Variants in PLA2G4C observed in about 807,000 individuals in gnomAD.
The protein encoded by PLA2G4C is phospholipase A2 group IVC.
PLA2G4C carries 64 observed loss-of-function variants against 73.8 expected under a neutral mutation model. The observed-to-expected ratio is 0.87, with a 90% confidence interval of 0.71 to 1.07. The LOEUF (loss-of-function observed/expected upper bound fraction) is 1.07, where lower values mean the gene tolerates loss of function less well. Among genes scored for constraint, PLA2G4C ranks in the 50% least tolerant of loss-of-function variants. The pLI is 0.00. For missense variants in PLA2G4C, 622 were observed against 665.4 expected (o/e 0.93, Z 0.72); for synonymous variants, 254 against 252.1 (o/e 1.01, Z -0.07).
At chr19:48,057,550 C>T (rs1406420716) in intron 14 of PLA2G4C, among the ~76,000 whole-genome samples, 3 of 116,298 alleles carry the variant, frequency 2.6e-5, no homozygotes, top group African/African-American at 3.3e-5. Context: ...AGTGCAGTGG[C>T]GGGATCTTGG....
chr19:48,066,498 A>G (rs1183656767), intron 13 of PLA2G4C, among the ~76,000 whole-genome samples: 1 of 151,882 alleles, frequency 6.6e-6, no homozygotes, highest in Non-Finnish European at 1.5e-5. Context: ...GCACCCCAGG[A>G]GAGGTGAGCA....
At chr19:48,084,040 T>TTGTGTGTGTGTG (rs71181645) in intron 10 of PLA2G4C, among the ~76,000 whole-genome samples, 15,895 of 138,972 alleles carry the variant, frequency 0.11, 1,101 homozygotes, top group East Asian at 0.2. Context: ...AATGCCAATT[T>TTGTGTGTGTGTG]TGTGTGTGTG....
At chr19:48,076,881 C>A (rs2030197746) in intron 11 of PLA2G4C, among the ~76,000 whole-genome samples, 2 of 152,116 alleles carry the variant, frequency 1.3e-5, no homozygotes, top group African/African-American at 4.8e-5. Flanking sequence ...AAATATAAAC[C>A]CTTTGTGTCT....
rs987416919 is a variant in PLA2G4C, at chr19:48,065,281, G to GT, written c.1102+2509_1102+2510insA. Among the ~76,000 whole-genome samples, 135 of 143,168 alleles carry GT rather than the reference G, an allele frequency of 9.4e-4. 1 individual carries two copies. Among genetic ancestry groups the GT allele is most frequent in the Non-Finnish European group, 1.7e-3 (112 of 65,148 alleles). 93.9% of individuals were successfully genotyped at this position (143,168 alleles called of 152,430 possible). ...AGGTGAGGGGTGAGGAGGGGTCGGG[G>GT]GGGGGCTTCCAGGTTATAGGTAGAT... is the stretch of plus-strand genomic sequence containing the variant. On this transcript the variant is annotated intron_variant, in intron 13 of 16. Transcript: ENST00000599921.
intron 10 of PLA2G4C, 73 bp from the exon 11 acceptor site, chr19:48,077,897 A>G: frequency 8.1e-7 from 1 of 1,239,886 alleles, no homozygotes; most frequent in Non-Finnish European, 1.1e-6. Flanking sequence ...GATTACCTGC[A>G]GCGACGTCTC....
At position 48,052,901 on chromosome 19, in the gene PLA2G4C, AC is replaced by A. The variant is rs1344643043; in HGVS notation, c.1580+95del. The A allele has an allele frequency of 1.1e-5, 14 of 1,319,408 alleles. No homozygotes were observed. The African/African-American group carries it at 2.0e-4, about 19-fold the overall frequency. The allele number at this position is 1,319,408 out of a possible 1,614,324, so 81.7% of individuals were successfully genotyped here. A position where few individuals can be genotyped will look rare whatever the true frequency, so the allele number is the denominator to read the frequency against. On this transcript the variant is annotated intron_variant, in intron 16 of 16. Coordinates refer to ENST00000599921, the MANE Select transcript of PLA2G4C (RefSeq NM_003706.3). ...GGGGAGACACTGCCTATCTTTTTTCACCCATGCAACCCTCCTGCCTGTTGCA... is the reference window on the plus strand; with the variant it reads ...GGGGAGACACTGCCTATCTTTTTTCACCATGCAACCCTCCTGCCTGTTGCA...
intron 10 of PLA2G4C, among the ~76,000 whole-genome samples, chr19:48,082,227 C>CA (rs34737959): frequency 0.28 from 41,118 of 147,922 alleles, 6,340 homozygotes; most frequent in South Asian, 0.37. Context: ...AGTAAAAATT[C>CA]AAAAAAAAAC....
chr19:48,051,311 T>A (rs1967716363), intron 16 of PLA2G4C, among the ~76,000 whole-genome samples: 1 of 152,208 alleles, frequency 6.6e-6, no homozygotes, highest in South Asian at 2.1e-4. Context: ...TCTAGAACTG[T>A]ATGAGTCCAT....
intron 13 of PLA2G4C, among the ~76,000 whole-genome samples, chr19:48,065,999 AT>A (rs1191507817): frequency 3.3e-5 from 5 of 151,968 alleles, no homozygotes; most frequent in Admixed American, 3.3e-4. Context: ...AGGCAGGAGA[AT>A]CGCTTAAACC....
At chr19:48,095,343 CA>C in intron 7 of PLA2G4C, 120 bp downstream of exon 7, 1 of 875,268 alleles carries the variant, frequency 1.1e-6, no homozygotes, top group Non-Finnish European at 1.8e-6. Context: ...GGAAGCCTAC[CA>C]AGTCCTTTTC....
intron 10 of PLA2G4C, among the ~76,000 whole-genome samples, chr19:48,081,137 C>T (rs2030538296): frequency 6.7e-6 from 1 of 149,224 alleles, no homozygotes. Flanking sequence ...TGCACTCCAG[C>T]TTGGGTGACA....
chr19:48,090,655 T>C (rs1472407426), intron 7 of PLA2G4C: 2 of 513,010 alleles, frequency 3.9e-6, no homozygotes, highest in South Asian at 2.3e-5. Flanking sequence ...GAACCTTCTA[T>C]GGGTGGAGCC....
rs201733263 is a variant in PLA2G4C at position 48,054,473 on chromosome 19, A to ATT, written c.1429+403_1429+404dup. ...CACGCACCACCAAGCCCAGCAATTT[A>ATT]TTTTTTTTTGTTGTTGTATTTTTAG... is the stretch of plus-strand genomic sequence containing the variant. On this transcript the variant is annotated intron_variant, in intron 15 of 16. Coordinates refer to ENST00000599921, the MANE Select transcript of PLA2G4C (RefSeq NM_003706.3). 8.0e-4 allele frequency among the ~76,000 whole-genome samples: 113 copies of ATT among 141,572 alleles called. 1 individual carries two copies. Among genetic ancestry groups the ATT allele is most frequent in the African/African-American group, 2.2e-3 (85 of 38,272 alleles). 92.9% of individuals were successfully genotyped at this position (141,572 alleles called of 152,430 possible). A position where few individuals can be genotyped will look rare whatever the true frequency, so the allele number is the denominator to read the frequency against.
Position 48,072,027 on chromosome 19 carries a change from T to C in PLA2G4C, c.1006+2740A>G, listed in dbSNP as rs186809453. Among the ~76,000 whole-genome samples the C allele has an allele frequency of 6.6e-6, 1 of 151,016 alleles. No individual in the cohort carries two copies. The highest frequency in any genetic ancestry group is 1.5e-5 in the Non-Finnish European group (1 of 67,782). On this transcript the variant is annotated intron_variant, in intron 12 of 16. Coordinates refer to ENST00000599921, the MANE Select transcript of PLA2G4C (RefSeq NM_003706.3). The surrounding 1 kb of genome is among the most constrained non-coding windows in gnomAD (Gnocchi z 4.4). The stretch of plus-strand genomic sequence containing the variant: ...CGGGTGTGGTGGTGCATGCCTGTGG[T>C]CCCAGCTACTCGGGAGGCTGAGGCA...
rs1323847642 is a variant in PLA2G4C at position 48,088,723 on chromosome 19, G to A, written c.764-11C>T. 1 of 1,594,394 alleles carries A rather than the reference G, an allele frequency of 6.3e-7. No individual in the cohort carries two copies. The highest frequency in any genetic ancestry group is 1.1e-5 in the South Asian group (1 of 90,680). The stretch of plus-strand genomic sequence containing the variant: ...GATTCCTTAACTGGTCTGCAAAAGA[G>A]TAGAAGCAGGAGGAATGTTTATCTG... On this transcript the variant is annotated splice_polypyrimidine_tract_variant and intron_variant, in intron 8 of 16. Coordinates refer to ENST00000599921, the MANE Select transcript of PLA2G4C (RefSeq NM_003706.3).
chr19:48,075,162 ATT>A (rs1469864700), intron 11 of PLA2G4C, among the ~76,000 whole-genome samples: 1 of 136,528 alleles, frequency 7.3e-6, no homozygotes, highest in African/African-American at 2.8e-5. Context: ...CCATTTATTT[ATT>A]TATTTATTTA....
At chr19:48,092,068 A>AT (rs34316461) in intron 7 of PLA2G4C, among the ~76,000 whole-genome samples, 32 of 144,132 alleles carry the variant, frequency 2.2e-4, no homozygotes, top group Non-Finnish European at 2.3e-4. Flanking sequence ...CAAAAAAAAA[A>AT]TTTTTTTTTT....
At position 48,098,224 on chromosome 19, in the gene PLA2G4C, G is replaced by C. The variant is rs200395665; in HGVS notation, c.483C>G (p.Pro161=). Residue 161 remains proline (P), a synonymous_variant, in exon 6 of 17, where the codon CCC becomes CCG. Transcript: ENST00000599921. ...PESHLSNMKK[P]VEEGTLPYPI... ...GGTAGGGTAGTGTCCCTTCTTCCAC[G>C]GGCTTCTTCATATTGGACAAATGAG... 8.7e-6 allele frequency: 14 copies of C among 1,613,328 alleles called. No individual in the cohort carries two copies. Among genetic ancestry groups the C allele is most frequent in the African/African-American group, 2.7e-5 (2 of 74,872 alleles).
In PLA2G4C at chr19:48,048,313, G is replaced by A; in HGVS notation, c.*30C>T. The A allele has an allele frequency of 6.3e-7, 1 of 1,579,600 alleles. No individual in the cohort carries two copies. The highest frequency in any genetic ancestry group is 1.4e-5 in the African/African-American group (1 of 73,536). Reference sequence around the variant, plus strand: ...CATCAGGGCCCTAGTAGACCAACAGGCCCACAGTGCCCTGGAAGCTGAGGC... The same window carrying A: ...CATCAGGGCCCTAGTAGACCAACAGACCCACAGTGCCCTGGAAGCTGAGGC... On this transcript the variant is annotated 3_prime_UTR_variant, in exon 17 of 17. Transcript: ENST00000599921.
Sources: gnomAD v4.1 joint callset for allele counts (sites outside exome capture counted in the v4.1 genomes callset) on GRCh38, gnomAD v4.1.1 for gene constraint, Gnocchi (gnomAD v3.1) non-coding constraint, MANE v1.5 for transcripts, NCBI Gene and HGNC (gene_info 2026-07-23, HGNC 2026-07-21) for gene names.